The following PNPLA6 variants were observed in gnomAD, a reference collection of about 807,000 sequenced individuals.
PNPLA6 encodes patatin like domain 6, lysophospholipase, also known as patatin-like phospholipase domain-containing protein 6.
A neutral mutation model predicts 153.7 loss-of-function variants in PNPLA6; 105 were observed. That is an observed-to-expected ratio of 0.68 (90% CI 0.58 to 0.80). The LOEUF is 0.80. PNPLA6 is among the 30% of genes least tolerant of loss of function. The pLI, the probability that PNPLA6 is intolerant of heterozygous loss-of-function variation, is 0.00. For synonymous variants in PNPLA6, 825 were observed against 822.2 expected, an observed-to-expected ratio of 1.00 and a Z score of -0.06; for missense variants, 1,423 against 1,919.3, an observed-to-expected ratio of 0.74 and a Z score of 4.83.
At chr19:7,545,714 C>A (rs1162336862) in intron 13 of PNPLA6, among the ~76,000 whole-genome samples, 2 of 151,948 alleles carry the variant, frequency 1.3e-5, no homozygotes, top group Non-Finnish European at 2.9e-5. Context: ...GAGTTCGAGA[C>A]CATCCTGGCC....
intron 18 of PNPLA6, 132 bp downstream of exon 18, chr19:7,551,569 T>A (rs963759135): frequency 2.5e-6 from 2 of 795,274 alleles, no homozygotes; most frequent in African/African-American, 3.4e-5. Context: ...CCTGAGGGTT[T>A]CAAACCCTAA....
At chr19:7,543,879 C>T (rs1371614259) in intron 13 of PNPLA6, among the ~76,000 whole-genome samples, 18 of 150,420 alleles carry the variant, frequency 1.2e-4, no homozygotes, top group African/African-American at 4.2e-4. Context: ...AGTGGCGTGA[C>T]GGTGGCTCAC....
In PNPLA6 at chr19:7,561,667, C is replaced by A. The variant is rs886054699; in HGVS notation, c.*105C>A. 3.7e-6 allele frequency: 3 copies of A among 806,334 alleles called. No individual in the cohort carries two copies. The highest frequency in any genetic ancestry group is 4.2e-6 in the Non-Finnish European group (2 of 479,958). 49.9% of individuals were successfully genotyped at this position (806,334 alleles called of 1,614,324 possible). ...CTCCTGCTGCTATGCCTGTGACCCC[C>A]GCGGCCCACACACTGGACTGACCTG... On this transcript the variant is annotated 3_prime_UTR_variant, in exon 32 of 32. Coordinates refer to ENST00000600737, the MANE Select transcript of PNPLA6 (RefSeq NM_001166114.2).
intron 1 of PNPLA6, 53 bp downstream of exon 1, chr19:7,536,073 G>T: frequency 6.3e-7 from 1 of 1,578,484 alleles, no homozygotes; most frequent in Non-Finnish European, 8.6e-7. Flanking sequence ...GGGCCCAAAT[G>T]CCCGGGTCCC....
In PNPLA6 at chr19:7,541,249, C is replaced by T; in HGVS notation, c.925-105C>T. On this transcript the variant is annotated intron_variant, in intron 7 of 31. Coordinates refer to ENST00000600737, the MANE Select transcript of PNPLA6 (RefSeq NM_001166114.2). The surrounding 1 kb of genome is among the most constrained non-coding windows in gnomAD (Gnocchi z 5.2). Reference sequence around the variant, plus strand: ...CATTTCCCCAGACTGTGGGTCTCTCCCTGGTTCCCGCCCGACCCCTTATGC... The same window carrying T: ...CATTTCCCCAGACTGTGGGTCTCTCTCTGGTTCCCGCCCGACCCCTTATGC... The T allele has an allele frequency of 8.6e-7, 1 of 1,168,978 alleles. No individual in the cohort carries two copies. Among genetic ancestry groups the T allele is most frequent in the Non-Finnish European group, 1.2e-6 (1 of 803,272 alleles). 72.4% of individuals were successfully genotyped at this position (1,168,978 alleles called of 1,614,324 possible).
In PNPLA6 at chr19:7,554,222, C is replaced by T. The variant is rs535490318; in HGVS notation, c.2415C>T (p.Leu805=). Residue 805 remains leucine, a synonymous_variant, in exon 20 of 32, where the codon CTC becomes CTT. Coordinates refer to ENST00000600737, the MANE Select transcript of PNPLA6 (RefSeq NM_001166114.2). Reference sequence around the variant, plus strand: ...ACCTACCCCTAGGTCCGACGCTACTCCTTAACAGTGACATCATCCGGGCAC... The same window carrying T: ...ACCTACCCCTAGGTCCGACGCTACTTCTTAACAGTGACATCATCCGGGCAC... ...HALQAIGPTL[L]LNSDIIRARL... is the part of the protein sequence containing the mutation. The T allele has an allele frequency of 3.8e-5, 62 of 1,614,118 alleles. 1 individual carries two copies. In the South Asian group the frequency reaches 4.9e-4, roughly 13 times the overall value.
chr19:7,553,814 A>T, intron 18 of PNPLA6, 61 bp from the exon 19 acceptor site: 1 of 1,599,566 alleles, frequency 6.3e-7, no homozygotes, highest in Non-Finnish European at 8.6e-7. Flanking sequence ...GAGGAGGAGG[A>T]GGGTTCATCT....
chr19:7,549,494 C>CTT (rs1555747894), intron 13 of PNPLA6, among the ~76,000 whole-genome samples: 9 of 136,292 alleles, frequency 6.6e-5, no homozygotes, highest in African/African-American at 2.1e-4. Flanking sequence ...CCTTCTTCTT[C>CTT]TTTTTTTTTT....
chr19:7,558,067 C>T (rs546702651), intron 27 of PNPLA6, among the ~76,000 whole-genome samples: 5 of 152,356 alleles, frequency 3.3e-5, no homozygotes, highest in African/African-American at 1.2e-4. Flanking sequence ...CAGTCTGTCC[C>T]GTTTGTCCTG....
intron 27 of PNPLA6, among the ~76,000 whole-genome samples, chr19:7,557,978 TAC>T (rs1227129654): frequency 1.3e-5 from 2 of 152,166 alleles, no homozygotes; most frequent in African/African-American, 4.8e-5. Flanking sequence ...AGGTAGGGCT[TAC>T]ACACACGTGT....
chr19:7,538,353 A>T (rs1236443518), intron 3 of PNPLA6, among the ~76,000 whole-genome samples: 1 of 151,872 alleles, frequency 6.6e-6, no homozygotes, highest in Non-Finnish European at 1.5e-5. Flanking sequence ...GCTAATTTTT[A>T]AATTTTTTTG....
At chr19:7,560,423 CTG>C in intron 28 of PNPLA6, among the ~76,000 whole-genome samples, 1 of 152,260 alleles carries the variant, frequency 6.6e-6, no homozygotes, top group South Asian at 2.1e-4. Flanking sequence ...CTGCATGGGG[CTG>C]TGTGGGAAAG....
Position 7,555,353 on chromosome 19 carries a change from C to G in PNPLA6, c.2922C>G (p.Gly974=). ...GGAACACCATTGCCCTTGTGCTAGG[C>G]GGGGGCGGGGCCAGGTGAGGGCGGG... ...LTGNTIALVL[G]GGGARGCSHI... Residue 974 remains glycine, a synonymous_variant, in exon 23 of 32, where the codon GGC becomes GGG. Transcript: ENST00000600737. The surrounding 1 kb of genome is among the most constrained non-coding windows in gnomAD (Gnocchi z 6.3). 5.7e-6 allele frequency: 6 copies of G among 1,054,094 alleles called. No individual in the cohort carries two copies. Among genetic ancestry groups the G allele is most frequent in the African/African-American group, 1.7e-5 (1 of 57,376 alleles). The allele number at this position is 1,054,094 out of a possible 1,614,324, so 65.3% of individuals were successfully genotyped here. A position where few individuals can be genotyped will look rare whatever the true frequency, so the allele number is the denominator to read the frequency against.
At position 7,555,520 on chromosome 19, in the gene PNPLA6, A is replaced by T. The variant is rs1369052138; in HGVS notation, c.2937-87A>T. The T allele has an allele frequency of 1.7e-5, 25 of 1,488,508 alleles. No homozygotes were observed. The East Asian group carries it at 5.9e-4, about 35-fold the overall frequency. 92.2% of individuals were successfully genotyped at this position (1,488,508 alleles called of 1,614,324 possible). A position where few individuals can be genotyped will look rare whatever the true frequency, so the allele number is the denominator to read the frequency against. On this transcript the variant is annotated intron_variant, in intron 23 of 31. Transcript: ENST00000600737. The surrounding 1 kb of genome is among the most constrained non-coding windows in gnomAD (Gnocchi z 6.3). The stretch of plus-strand genomic sequence containing the variant: ...GGTAGGGGCGGGTCCTTTGTTCCTT[A>T]GCAGTGCGGGAGGTGGGAGGAGGTA...
chr19:7,552,781 AAAAG>A (rs1306311820), intron 18 of PNPLA6, among the ~76,000 whole-genome samples: 11 of 151,714 alleles, frequency 7.3e-5, no homozygotes, highest in African/African-American at 2.4e-4. Context: ...AAGAAAAAAA[AAAAG>A]AAAAGAAAAG....
At chr19:7,538,901 G>T (rs970514356) in intron 3 of PNPLA6, among the ~76,000 whole-genome samples, 4 of 152,244 alleles carry the variant, frequency 2.6e-5, no homozygotes, top group Admixed American at 2.6e-4. Context: ...ATAAACACAG[G>T]TACCATTTCT....
intron 26 of PNPLA6, 149 bp downstream of exon 26, chr19:7,556,873 T>C: frequency 1.4e-6 from 1 of 725,712 alleles, no homozygotes; most frequent in Non-Finnish European, 2.5e-6. Flanking sequence ...CGCCACCCAC[T>C]AATGCCCCGG....
chr19:7,540,268 T>C lies in PNPLA6; in HGVS notation c.674T>C (p.Val225Ala). 6.2e-7 allele frequency: 1 copy of C among 1,609,040 alleles called. No homozygotes were observed. The highest frequency in any genetic ancestry group is 8.5e-7 in the Non-Finnish European group (1 of 1,179,954). ...RPGQPDASIY[V>A]VQDGLLELCL... The stretch of plus-strand genomic sequence containing the variant: ...GGCCAGCCAGATGCCAGCATCTACG[T>C]GGTGCAGGACGGGCTGCTGGAGCTC... Residue 225 changes from valine (V) to alanine (A), a missense_variant, in exon 5 of 32, where the codon GTG becomes GCG. By Grantham distance (64) the Val-to-Ala change is moderately conservative. This residue lies in a region of PNPLA6 where 118 missense variants were observed against 158.8 expected (regional missense o/e 0.74). Transcript: ENST00000600737. The surrounding 1 kb of genome is among the most constrained non-coding windows in gnomAD (Gnocchi z 6.8).
In PNPLA6 at chr19:7,557,275, A is replaced by G. The variant is rs1489466760; in HGVS notation, c.3388A>G (p.Asn1130Asp). The G allele has an allele frequency of 6.2e-7, 1 of 1,608,640 alleles. No homozygotes were observed. The highest frequency in any genetic ancestry group is 1.7e-5 in the Admixed American group (1 of 59,994). The change falls in exon 27 of 32, where the codon AAT (asparagine) becomes GAT (aspartate). Residue 1130 changes from asparagine to aspartate, a missense_variant. Asn to Asp is a conservative substitution (Grantham distance 23). This residue lies in a region of PNPLA6 where 643 missense variants were observed against 835.2 expected (regional missense o/e 0.77). Coordinates refer to ENST00000600737, the MANE Select transcript of PNPLA6 (RefSeq NM_001166114.2). Reference sequence around the variant, plus strand: ...ACTCATGGATGGCGGCTACATCAACAATCTGCCAGGCAAGTGGCCGCCCGC... The same window carrying G: ...ACTCATGGATGGCGGCTACATCAACGATCTGCCAGGCAAGTGGCCGCCCGC... ...HLLMDGGYIN[N>D]LPADIARSMG...
Sources: allele counts gnomAD v4.1 joint callset (sites outside exome capture counted in the v4.1 genomes callset), GRCh38; gene constraint gnomAD v4.1.1; regional missense constraint gnomAD v4.1.1; non-coding constraint Gnocchi (gnomAD v3.1); transcripts MANE v1.5; gene names NCBI Gene and HGNC (gene_info 2026-07-23, HGNC 2026-07-21).